EBF4: variants seen among roughly 807,000 people sequenced by gnomAD.
EBF4 encodes EBF transcription factor 4.
In EBF4, 34 loss-of-function variants were observed where a neutral mutation model predicts 67.1. That is an observed-to-expected ratio of 0.51 (90% CI 0.39 to 0.67). EBF4 has a LOEUF of 0.67. EBF4 is among the 30% of genes least tolerant of loss of function. The pLI, the probability that EBF4 is intolerant of heterozygous loss-of-function variation, is 0.00. For missense variants in EBF4, 837 were observed against 873.3 expected (o/e 0.96, Z 0.52); for synonymous variants, 387 against 377.7 (o/e 1.02, Z -0.29).
At chr20:2,734,184 G>C (rs990657497) in intron 6 of EBF4, among the ~76,000 whole-genome samples, 8 of 152,160 alleles carry the variant, frequency 5.3e-5, no homozygotes, top group African/African-American at 1.9e-4. Flanking sequence ...GAGAAGGGCA[G>C]ATTGCTTGAG....
intron 6 of EBF4, among the ~76,000 whole-genome samples, chr20:2,728,642 A>G (rs147280069): frequency 6.6e-6 from 1 of 151,084 alleles, no homozygotes; most frequent in Admixed American, 6.6e-5. Context: ...GATCTCTCAA[A>G]TCCCCCATCC....
chr20:2,755,991 C>G lies in EBF4; in HGVS notation c.1738+167C>G, dbSNP rs1327838551. 2.0e-5 allele frequency among the ~76,000 whole-genome samples: 3 copies of G among 152,244 alleles called. No individual in the cohort carries two copies. The highest frequency in any genetic ancestry group is 2.9e-5 in the Non-Finnish European group (2 of 68,042). ...GCTCTGCTGGGGTCCAGGGAGGTCC[C>G]TCTGGCCCCCTCTGCCCTGGCCTCC... On this transcript the variant is annotated intron_variant, in intron 15 of 16. Transcript: ENST00000609451. The surrounding 1 kb of genome is among the most constrained non-coding windows in gnomAD (Gnocchi z 4.7).
chr20:2,706,192 C>T lies in EBF4; in HGVS notation c.359-17C>T. ...ATGCTCCCCCAGCAGCAAGCCCTCT[C>T]CATCTTCCCATCCTAGGACTGCGGA... On this transcript the variant is annotated splice_polypyrimidine_tract_variant and intron_variant, in intron 3 of 16. Transcript: ENST00000609451. The T allele has an allele frequency of 6.4e-7, 1 of 1,552,156 alleles. No individual in the cohort carries two copies. The highest frequency in any genetic ancestry group is 8.7e-7 in the Non-Finnish European group (1 of 1,147,088).
intron 6 of EBF4, among the ~76,000 whole-genome samples, chr20:2,713,255 G>T (rs1303654947): frequency 6.6e-6 from 1 of 152,182 alleles, no homozygotes; most frequent in Non-Finnish European, 1.5e-5. Flanking sequence ...TAGAGAGGCT[G>T]GTTTTAGCTG....
rs576953248 is a variant in EBF4 at position 2,724,987 on chromosome 20, C to T, written c.557+15345C>T. Among the ~76,000 whole-genome samples, 682 of 152,244 alleles carry T rather than the reference C, an allele frequency of 4.5e-3. 3 individuals are homozygous for T. The highest frequency in any genetic ancestry group is 7.8e-3 in the Non-Finnish European group (533 of 67,994). On this transcript the variant is annotated intron_variant, in intron 6 of 16. Transcript: ENST00000609451. ...TCTCTCTGGCAGTATATGAGAGCTT[C>T]TTTTTGTCTTTAAAGTTCTTCAGTT...
chr20:2,739,265 C>T lies in EBF4; in HGVS notation c.558-9284C>T, dbSNP rs1270435851. Among the ~76,000 whole-genome samples the T allele has an allele frequency of 6.6e-6, 1 of 152,148 alleles. No individual in the cohort carries two copies. The highest frequency in any genetic ancestry group is 1.5e-5 in the Non-Finnish European group (1 of 68,018). On this transcript the variant is annotated intron_variant, in intron 6 of 16. Transcript: ENST00000609451. The surrounding 1 kb of genome is among the most constrained non-coding windows in gnomAD (Gnocchi z 4.5). Reference sequence around the variant, plus strand: ...TCCCAACCCCAGGCCCCAAGCCACGCTGCCCTCCTCAGTCTTGTCAGGCAC... The same window carrying T: ...TCCCAACCCCAGGCCCCAAGCCACGTTGCCCTCCTCAGTCTTGTCAGGCAC...
intron 6 of EBF4, among the ~76,000 whole-genome samples, chr20:2,748,230 T>C (rs1184366240): frequency 6.6e-6 from 1 of 152,136 alleles, no homozygotes; most frequent in African/African-American, 2.4e-5. Flanking sequence ...AGGTAGTGTA[T>C]ATAATGGACT....
intron 4 of EBF4, among the ~76,000 whole-genome samples, chr20:2,706,921 G>A (rs566572821): frequency 6.6e-6 from 1 of 152,332 alleles, no homozygotes; most frequent in African/African-American, 2.4e-5. Context: ...AGGCTCAGAG[G>A]CCAGCACAAG....
At chr20:2,708,529 G>A (rs911413267) in intron 5 of EBF4, among the ~76,000 whole-genome samples, 5 of 152,280 alleles carry the variant, frequency 3.3e-5, no homozygotes, top group South Asian at 4.1e-4. Context: ...CAGGGTCCTC[G>A]GAGGCAGTTC....
exon 14 of EBF4, chr20:2,752,410 G>A (rs772338698): frequency 8.5e-6 from 11 of 1,289,008 alleles, no homozygotes; most frequent in Non-Finnish European, 9.8e-6. Flanking sequence ...GCCCAGCCCC[G>A]GCTCGCAGCA....
chr20:2,708,295 G>A (rs1202104554), intron 5 of EBF4, among the ~76,000 whole-genome samples: 1 of 152,216 alleles, frequency 6.6e-6, no homozygotes, highest in Non-Finnish European at 1.5e-5. Flanking sequence ...GGGAAGCTTA[G>A]CTAATAAAGC....
intron 6 of EBF4, among the ~76,000 whole-genome samples, chr20:2,717,728 A>G (rs2087628786): frequency 6.6e-6 from 1 of 151,272 alleles, no homozygotes; most frequent in African/African-American, 2.4e-5. Flanking sequence ...TCCAGTCCTT[A>G]TATATTTTAT....
chr20:2,725,245 C>T (rs564381264), intron 6 of EBF4, among the ~76,000 whole-genome samples: 3 of 152,126 alleles, frequency 2.0e-5, no homozygotes, highest in Admixed American at 2.0e-4. Flanking sequence ...TTTATATTTC[C>T]CACCTATTTT....
chr20:2,724,261 C>G (rs1483308420), intron 6 of EBF4, among the ~76,000 whole-genome samples: 1 of 152,202 alleles, frequency 6.6e-6, no homozygotes, highest in Non-Finnish European at 1.5e-5. Context: ...TAAACATTAA[C>G]CAGTACACTA....
chr20:2,694,032 C>T (rs1225925418), intron 1 of EBF4, among the ~76,000 whole-genome samples: 1 of 152,202 alleles, frequency 6.6e-6, no homozygotes, highest in Non-Finnish European at 1.5e-5. Flanking sequence ...GCGGGTGCGG[C>T]GGTGAACGCC....
Position 2,749,398 on chromosome 20 carries a change from C to T in EBF4, c.640-3C>T. ...GCCAGGCTGGCCTCGGCTCTCCCCG[C>T]AGGTGGTGGTGTCCACGACGGTGAG... On this transcript the variant is annotated splice_polypyrimidine_tract_variant and splice_region_variant and intron_variant, in intron 7 of 16. Coordinates refer to ENST00000609451, the Ensembl canonical transcript of EBF4. 6.5e-7 allele frequency: 1 copy of T among 1,530,398 alleles called. No homozygotes were observed. The highest frequency in any genetic ancestry group is 8.8e-7 in the Non-Finnish European group (1 of 1,134,814). The allele number at this position is 1,530,398 out of a possible 1,614,324, so 94.8% of individuals were successfully genotyped here. A position where few individuals can be genotyped will look rare whatever the true frequency, so the allele number is the denominator to read the frequency against.
chr20:2,756,867 T>C lies in EBF4; in HGVS notation c.1738+1043T>C, dbSNP rs895212782. ...CTGAAGAATTTGTCAGAGCCTTTCA[T>C]GTGCCAGGGTACGTTGTGAACCTTC... On this transcript the variant is annotated intron_variant, in intron 15 of 16. Coordinates refer to ENST00000609451, the Ensembl canonical transcript of EBF4. This position sits in a 1 kb window ranked among gnomAD's most constrained non-coding sequence, Gnocchi z 4.5. 1.3e-5 allele frequency among the ~76,000 whole-genome samples: 2 copies of C among 152,266 alleles called. No homozygotes were observed. The highest frequency in any genetic ancestry group is 4.8e-5 in the African/African-American group (2 of 41,474).
At chr20:2,721,933 C>G (rs2087686861) in intron 6 of EBF4, among the ~76,000 whole-genome samples, 1 of 152,104 alleles carries the variant, frequency 6.6e-6, no homozygotes, top group African/African-American at 2.4e-5. Flanking sequence ...AATTGGATGT[C>G]AGATATTGTG....
intron 6 of EBF4, among the ~76,000 whole-genome samples, chr20:2,730,929 T>C (rs2087805657): frequency 6.6e-6 from 1 of 152,158 alleles, no homozygotes; most frequent in Admixed American, 6.5e-5. Context: ...AGATGGAGTC[T>C]CGCTCCATCA....
Sources: gnomAD v4.1 joint callset for allele counts (sites outside exome capture counted in the v4.1 genomes callset) on GRCh38, gnomAD v4.1.1 for gene constraint, Gnocchi (gnomAD v3.1) non-coding constraint, MANE v1.5 for transcripts, NCBI Gene and HGNC (gene_info 2026-07-23, HGNC 2026-07-21) for gene names.